Variants in R3HDM1 observed in about 807,000 individuals in gnomAD.
R3HDM1 encodes R3H domain containing 1.
A neutral mutation model predicts 141.1 loss-of-function variants in R3HDM1; 46 were observed. That is an observed-to-expected ratio of 0.33 (90% CI 0.26 to 0.42). The LOEUF is 0.42. R3HDM1 is among the 10% of genes least tolerant of loss of function. The pLI is 1.00. For missense variants in R3HDM1, 1,184 were observed against 1,368.3 expected, an observed-to-expected ratio of 0.87 and a Z score of 2.12; for synonymous variants, 435 against 472.9, an observed-to-expected ratio of 0.92 and a Z score of 1.04.
intron 26 of R3HDM1, among the ~76,000 whole-genome samples, chr2:135,723,705 A>T (rs560381961): frequency 1.3e-4 from 17 of 128,346 alleles, no homozygotes; most frequent in Non-Finnish European, 2.2e-4. Context: ...TGAACCTGGG[A>T]GGTGGAGGTT....
At chr2:135,575,683 C>A (rs376772594) in intron 1 of R3HDM1, among the ~76,000 whole-genome samples, 1 of 152,162 alleles carries the variant, frequency 6.6e-6, no homozygotes, top group Admixed American at 6.5e-5. Flanking sequence ...ACTCCACTTA[C>A]AATAGCAACA....
rs1553620830 is a variant in R3HDM1, at chr2:135,683,570, A to ACC, written c.2459+3246_2459+3247insCC. On this transcript the variant is annotated intron_variant, in intron 21 of 26. Transcript: ENST00000683871. ...ACCTATCTCAAAAAAAAAAAAAAAA[A>ACC]AATTCATTAAAGATCTCTTTGGGTG... 2.1e-5 allele frequency among the ~76,000 whole-genome samples: 3 copies of ACC among 141,836 alleles called. No individual in the cohort carries two copies. The Admixed American group carries it at 2.2e-4, about 10-fold the overall frequency. The allele number at this position is 141,836 out of a possible 152,430, so 93.0% of individuals were successfully genotyped here.
At chr2:135,676,841 C>G (rs1464313424) in intron 20 of R3HDM1, among the ~76,000 whole-genome samples, 1 of 152,096 alleles carries the variant, frequency 6.6e-6, no homozygotes, top group Non-Finnish European at 1.5e-5. Context: ...AGACCACTTT[C>G]ATTCATCTCA....
At chr2:135,561,684 C>T (rs1701824212) in intron 1 of R3HDM1, among the ~76,000 whole-genome samples, 1 of 151,840 alleles carries the variant, frequency 6.6e-6, no homozygotes, top group South Asian at 2.1e-4. Flanking sequence ...AACCACTGCA[C>T]TCCAGCTTAG....
In R3HDM1 at chr2:135,558,281, A is replaced by G. The variant is rs183759269; in HGVS notation, c.-250+26648A>G. 1.3e-3 allele frequency among the ~76,000 whole-genome samples: 205 copies of G among 152,344 alleles called. 1 individual carries two copies. The highest frequency in any genetic ancestry group is 1.8e-4 in the Non-Finnish European group (12 of 68,036). On this transcript the variant is annotated intron_variant, in intron 1 of 26. Transcript: ENST00000683871. Reference sequence around the variant, plus strand: ...GTTGAAATGTGTCTAGTGTAACTAAAGAACTGAATTTTTAATTATATTTAG... The same window carrying G: ...GTTGAAATGTGTCTAGTGTAACTAAGGAACTGAATTTTTAATTATATTTAG...
chr2:135,706,129 G>GAA (rs1202285123), intron 21 of R3HDM1, among the ~76,000 whole-genome samples: 17 of 95,074 alleles, frequency 1.8e-4, no homozygotes, highest in Non-Finnish European at 2.6e-4. Flanking sequence ...ACTCCATCTC[G>GAA]AAAAAAAAAA....
At chr2:135,667,044 C>A in intron 19 of R3HDM1, 4 of 851,790 alleles carry the variant, frequency 4.7e-6, no homozygotes, top group Non-Finnish European at 5.6e-6. Context: ...CTAAGCATTT[C>A]TTTAATACTT....
chr2:135,711,664 A>G (rs1292008247), intron 23 of R3HDM1, among the ~76,000 whole-genome samples: 1 of 5,850 alleles, frequency 1.7e-4, no homozygotes, highest in African/African-American at 4.6e-4. Flanking sequence ...AACTCTTTGA[A>G]AAAAAAAAAA....
At chr2:135,587,503 G>C (rs921757088) in intron 1 of R3HDM1, among the ~76,000 whole-genome samples, 1 of 152,094 alleles carries the variant, frequency 6.6e-6, no homozygotes, top group African/African-American at 2.4e-5. Flanking sequence ...GTCTATTTCT[G>C]ATTCCCAACT....
chr2:135,654,171 T>A (rs1449172998), intron 18 of R3HDM1, among the ~76,000 whole-genome samples: 2 of 152,006 alleles, frequency 1.3e-5, no homozygotes, highest in Non-Finnish European at 2.9e-5. Flanking sequence ...TCTGCTTCTG[T>A]CTCCTATGGT....
At chr2:135,592,153 G>T in intron 1 of R3HDM1, among the ~76,000 whole-genome samples, 1 of 152,096 alleles carries the variant, frequency 6.6e-6, no homozygotes, top group South Asian at 2.1e-4. Context: ...TTTCCAGCCA[G>T]TCCCCATCTG....
chr2:135,669,185 AG>A (rs2067959019), intron 19 of R3HDM1: 1 of 984,980 alleles, frequency 1.0e-6, no homozygotes, highest in African/African-American at 1.7e-5. Flanking sequence ...ATACATCAGT[AG>A]TAAACCACGC....
At chr2:135,626,205 G>A (rs77338665) in intron 7 of R3HDM1, among the ~76,000 whole-genome samples, 1 of 116,138 alleles carries the variant, frequency 8.6e-6, no homozygotes, top group East Asian at 2.6e-4. Flanking sequence ...GCGTGCGTGC[G>A]TGCGTGCTTG....
intron 21 of R3HDM1, among the ~76,000 whole-genome samples, chr2:135,696,653 G>A (rs2073293439): frequency 6.6e-6 from 1 of 151,836 alleles, no homozygotes; most frequent in African/African-American, 2.4e-5. Context: ...CACCACACCT[G>A]GCTAATTTTT....
At chr2:135,681,963 A>G (rs2070384482) in intron 21 of R3HDM1, among the ~76,000 whole-genome samples, 1 of 151,298 alleles carries the variant, frequency 6.6e-6, no homozygotes, top group South Asian at 2.1e-4. Flanking sequence ...AAATAGAAAT[A>G]TGTACTTGGT....
chr2:135,656,610 G>A (rs557447605), intron 18 of R3HDM1: 9 of 148,934 alleles, frequency 6.0e-5, no homozygotes, highest in Admixed American at 5.4e-4. Flanking sequence ...TTTTTCTAGG[G>A]AATGTGTTAC....
At chr2:135,698,516 T>C (rs1316812750) in intron 21 of R3HDM1, among the ~76,000 whole-genome samples, 1 of 152,184 alleles carries the variant, frequency 6.6e-6, no homozygotes, top group African/African-American at 2.4e-5. Context: ...TGAATGAAGT[T>C]ACATAGATAA....
chr2:135,651,931 C>G lies in R3HDM1; in HGVS notation c.1927C>G (p.Pro643Ala). 6.2e-7 allele frequency: 1 copy of G among 1,613,994 alleles called. No individual in the cohort carries two copies. Among genetic ancestry groups the G allele is most frequent in the Non-Finnish European group, 8.5e-7 (1 of 1,179,932 alleles). ...PPPPPPPPLP[P>A]GQPVPTAGYP... The stretch of plus-strand genomic sequence containing the variant: ...ACCACCTCCTCCTCCTCCCCTACCA[C>G]CTGGGCAGCCAGTCCCTACTGCTGG... The change falls in exon 18 of 27, where the codon CCT becomes GCT. Residue 643 changes from proline to alanine, a missense_variant. By Grantham distance (27) the Pro-to-Ala change is conservative (BLOSUM62 -1). Transcript: ENST00000683871.
At chr2:135,600,722 T>C (rs2059559610) in intron 1 of R3HDM1, among the ~76,000 whole-genome samples, 1 of 152,226 alleles carries the variant, frequency 6.6e-6, no homozygotes, top group East Asian at 1.9e-4. Context: ...AATCATTCAT[T>C]ATTTAGTCTG....
Sources: gnomAD v4.1 joint callset for allele counts (sites outside exome capture counted in the v4.1 genomes callset) on GRCh38, gnomAD v4.1.1 for gene constraint, MANE v1.5 for transcripts, NCBI Gene and HGNC (gene_info 2026-07-23, HGNC 2026-07-21) for gene names.